Variants in BMAL2 observed in about 807,000 individuals in gnomAD.
BMAL2 encodes basic helix-loop-helix ARNT-like protein 2.
chr12:27,399,229 G>A, the BMAL2 span, among the ~76,000 whole-genome samples: 27 of 152,274 alleles, frequency 1.8e-4, no homozygotes, highest in Admixed American at 1.6e-3. Context: ...TGCTTCAGCC[G>A]CATCTGACCG....
At chr12:27,334,585 A>T in the BMAL2 span, among the ~76,000 whole-genome samples, 715 of 152,362 alleles carry the variant, frequency 4.7e-3, 3 homozygotes, top group Non-Finnish European at 8.4e-3. Context: ...GCACCTACTA[A>T]TTCAAAGAAA....
At chr12:27,394,157 C>T in the BMAL2 span, among the ~76,000 whole-genome samples, 1 of 152,122 alleles carries the variant, frequency 6.6e-6, no homozygotes, top group African/African-American at 2.4e-5. Context: ...GTCTCAAACT[C>T]CTGGCCTTAA....
the BMAL2 span, among the ~76,000 whole-genome samples, chr12:27,354,011 G>C: frequency 2.0e-5 from 3 of 152,122 alleles, no homozygotes; most frequent in Non-Finnish European, 4.4e-5. Context: ...CAGTTTGGAG[G>C]TTTCTCAAAG....
chr12:27,401,478 T>C, the BMAL2 span: 331 of 1,545,362 alleles, frequency 2.1e-4, 3 homozygotes, highest in South Asian at 3.3e-3. Context: ...ACATTGATTT[T>C]TATAGTCATT....
the BMAL2 span, among the ~76,000 whole-genome samples, chr12:27,383,154 C>T: frequency 6.6e-6 from 1 of 152,182 alleles, no homozygotes; most frequent in Non-Finnish European, 1.5e-5. Flanking sequence ...TCCTGGCTTC[C>T]TCCCTTTATA....
At chr12:27,393,008 C>T in the BMAL2 span, among the ~76,000 whole-genome samples, 2 of 152,164 alleles carry the variant, frequency 1.3e-5, no homozygotes, top group African/African-American at 4.8e-5. Context: ...TCTGTATTCT[C>T]TCCCCTCCAC....
the BMAL2 span, among the ~76,000 whole-genome samples, chr12:27,361,056 A>T: frequency 6.6e-6 from 1 of 152,218 alleles, no homozygotes; most frequent in South Asian, 2.1e-4. Context: ...CAAAAGTTTT[A>T]AACTTTTATG....
the BMAL2 span, among the ~76,000 whole-genome samples, chr12:27,334,750 A>C: frequency 1.3e-5 from 2 of 152,256 alleles, no homozygotes; most frequent in Non-Finnish European, 2.9e-5. Context: ...AATTTTCTTA[A>C]TTAAGGGTAG....
chr12:27,381,036 A>G, the BMAL2 span, among the ~76,000 whole-genome samples: 92 of 152,214 alleles, frequency 6.0e-4, no homozygotes, highest in Admixed American at 2.1e-3. Context: ...AGAGATTTCT[A>G]TCCTTCAAAA....
the BMAL2 span, chr12:27,418,311 T>C: frequency 3.1e-6 from 2 of 651,160 alleles, no homozygotes; most frequent in Non-Finnish European, 5.1e-6. Context: ...AAAACTAAGG[T>C]TTTTTTCAGT....
At chr12:27,405,627 A>G in the BMAL2 span, among the ~76,000 whole-genome samples, 1 of 152,334 alleles carries the variant, frequency 6.6e-6, no homozygotes, top group Non-Finnish European at 1.5e-5. Context: ...CCAAAGGTAG[A>G]TAAAACCACA....
the BMAL2 span, among the ~76,000 whole-genome samples, chr12:27,406,474 G>T: frequency 1.3e-5 from 2 of 152,130 alleles, no homozygotes; most frequent in African/African-American, 4.8e-5. Flanking sequence ...CAACCCAGAA[G>T]TTCATATCCA....
At chr12:27,424,621 C>A in the BMAL2 span, 1 of 152,144 alleles carries the variant, frequency 6.6e-6, no homozygotes, top group Non-Finnish European at 1.5e-5. Context: ...TATTTAGTTC[C>A]CAGACCATGT....
At chr12:27,372,916 G>T in the BMAL2 span, among the ~76,000 whole-genome samples, 3 of 152,064 alleles carry the variant, frequency 2.0e-5, no homozygotes, top group Non-Finnish European at 4.4e-5. Context: ...CTCGTGATCT[G>T]CCCACCTCGG....
the BMAL2 span, chr12:27,390,434 A>G: frequency 1.8e-6 from 1 of 563,834 alleles, no homozygotes; most frequent in African/African-American, 1.9e-5. Context: ...AGGTAATTAC[A>G]TATTATCTTT....
At chr12:27,376,299 G>A in the BMAL2 span, 2 of 1,508,088 alleles carry the variant, frequency 1.3e-6, no homozygotes, top group Non-Finnish European at 1.8e-6. Flanking sequence ...AAGAACTACA[G>A]AAAAGGTACT....
At chr12:27,420,019 G>GCGCACGCGCACACACA in the BMAL2 span, among the ~76,000 whole-genome samples, 189 of 147,570 alleles carry the variant, frequency 1.3e-3, no homozygotes, top group South Asian at 5.9e-3. Flanking sequence ...GTTTGCGCGT[G>GCGCACGCGCACACACA]CACACACACA....
chr12:27,333,193 C>T, the BMAL2 span: 1 of 1,175,668 alleles, frequency 8.5e-7, no homozygotes, highest in African/African-American at 1.6e-5. Flanking sequence ...GGTCTGCCCC[C>T]GCTGCCCCGA....
chr12:27,384,146 G>A, the BMAL2 span, among the ~76,000 whole-genome samples: 3 of 152,122 alleles, frequency 2.0e-5, no homozygotes, highest in Non-Finnish European at 4.4e-5. Flanking sequence ...CCTTGCCCTG[G>A]GGATGGCTTG....
Sources: gnomAD v4.1 joint callset for allele counts (sites outside exome capture counted in the v4.1 genomes callset) on GRCh38, gnomAD v4.1.1 for gene constraint, MANE v1.5 for transcripts, NCBI Gene and HGNC (gene_info 2026-07-23, HGNC 2026-07-21) for gene names.